Variants in SAMD4A observed in about 807,000 individuals in gnomAD.
SAMD4A encodes sterile alpha motif domain containing 4A, also known as protein Smaug homolog 1.
In SAMD4A, 33 loss-of-function variants were observed where a neutral mutation model predicts 81.3. That is an observed-to-expected ratio of 0.41 (90% CI 0.31 to 0.54). The LOEUF is 0.54. Among genes scored for constraint, SAMD4A ranks in the 20% least tolerant of loss-of-function variants. The probability of loss-of-function intolerance (pLI) is 0.37; values close to 1 mark genes in which losing one functional copy is unlikely to be tolerated. For missense variants in SAMD4A, 854 were observed against 951.1 expected (o/e 0.90, Z 1.34); for synonymous variants, 389 against 382.1 (o/e 1.02, Z -0.21).
intron 2 of SAMD4A, among the ~76,000 whole-genome samples, chr14:54,628,923 T>A (rs534293914): frequency 2.8e-4 from 43 of 152,294 alleles, no homozygotes; most frequent in Non-Finnish European, 5.0e-4. Flanking sequence ...GGTTTTTTTT[T>A]AAACACAAAT....
At chr14:54,637,580 G>A (rs2035067182) in intron 2 of SAMD4A, among the ~76,000 whole-genome samples, 1 of 152,020 alleles carries the variant, frequency 6.6e-6, no homozygotes, top group South Asian at 2.1e-4. Context: ...AAGAGACCTG[G>A]GAGTCCGCAC....
intron 2 of SAMD4A, among the ~76,000 whole-genome samples, chr14:54,677,731 A>T (rs142262708): frequency 3.4e-4 from 52 of 152,368 alleles, no homozygotes; most frequent in African/African-American, 1.2e-3. Flanking sequence ...CACATTCTCG[A>T]ATACCACAAT....
intron 2 of SAMD4A, among the ~76,000 whole-genome samples, chr14:54,643,467 G>A (rs138211265): frequency 6.6e-6 from 1 of 152,328 alleles, no homozygotes; most frequent in Non-Finnish European, 1.5e-5. Flanking sequence ...TTTTATGGAA[G>A]TACCAGCCTT....
chr14:54,793,177 A>G lies in SAMD4A; in HGVS notation c.*4233A>G, dbSNP rs1344114608. 1 of 152,204 alleles carries G rather than the reference A, an allele frequency of 6.6e-6. No homozygotes were observed. The highest frequency in any genetic ancestry group is 1.5e-5 in the Non-Finnish European group (1 of 68,036). The allele number at this position is 152,204 out of a possible 1,614,324, so 9.4% of individuals were successfully genotyped here. A position where few individuals can be genotyped will look rare whatever the true frequency, so the allele number is the denominator to read the frequency against. On this transcript the variant is annotated 3_prime_UTR_variant, in exon 13 of 13. Transcript: ENST00000554335. Reference sequence around the variant, plus strand: ...AGTTTTCAAATGTTGTTACCAGTGAAACACCCTTGTGGTTTAAACTTGCTA... The same window carrying G: ...AGTTTTCAAATGTTGTTACCAGTGAGACACCCTTGTGGTTTAAACTTGCTA...
chr14:54,771,293 A>T (rs140557713), intron 9 of SAMD4A, among the ~76,000 whole-genome samples: 21 of 152,340 alleles, frequency 1.4e-4, no homozygotes, highest in Middle Eastern at 6.8e-3. Flanking sequence ...TAAGAATATT[A>T]ATACATTTAA....
chr14:54,739,350 A>C (rs568416882), intron 4 of SAMD4A, among the ~76,000 whole-genome samples: 1 of 152,228 alleles, frequency 6.6e-6, no homozygotes, highest in East Asian at 1.9e-4. Context: ...GGCACAGACA[A>C]GATCTCATAT....
At chr14:54,614,197 C>T (rs2034436153) in intron 2 of SAMD4A, among the ~76,000 whole-genome samples, 1 of 152,198 alleles carries the variant, frequency 6.6e-6, no homozygotes, top group Admixed American at 6.5e-5. Flanking sequence ...TGGCTCTTCT[C>T]ACAAAGTTTT....
At chr14:54,651,175 T>A (rs1454536667) in intron 2 of SAMD4A, among the ~76,000 whole-genome samples, 1 of 152,198 alleles carries the variant, frequency 6.6e-6, no homozygotes, top group Non-Finnish European at 1.5e-5. Context: ...TCTCTTGGTT[T>A]AGAATTCCTC....
At chr14:54,746,101 G>C (rs891149905) in intron 4 of SAMD4A, among the ~76,000 whole-genome samples, 2 of 152,188 alleles carry the variant, frequency 1.3e-5, no homozygotes, top group Non-Finnish European at 2.9e-5. Context: ...AATGGTCAAG[G>C]CTCTTGCTTC....
intron 2 of SAMD4A, chr14:54,685,868 T>A (rs1319754578): frequency 2.2e-6 from 1 of 456,484 alleles, no homozygotes; most frequent in Admixed American, 2.3e-5. Context: ...CAGATCAGCT[T>A]CAGTTTCCTG....
chr14:54,687,508 C>A, intron 2 of SAMD4A: 1 of 379,846 alleles, frequency 2.6e-6, no homozygotes. Flanking sequence ...ATTCCCACTG[C>A]AAACAAGTTG....
chr14:54,737,401 G>C, intron 4 of SAMD4A, 114 bp downstream of exon 4: 1 of 1,255,202 alleles, frequency 8.0e-7, no homozygotes, highest in Non-Finnish European at 1.1e-6. Flanking sequence ...CCTTCCCCAG[G>C]CTTACGCATT....
upstream of SAMD4A, among the ~76,000 whole-genome samples, chr14:54,566,808 A>T (rs1218098447): frequency 6.6e-6 from 1 of 151,958 alleles, no homozygotes; most frequent in East Asian, 1.9e-4. Flanking sequence ...GAGCAGGCCC[A>T]GGGAGACCTC....
chr14:54,674,918 T>C (rs2035958607), intron 2 of SAMD4A, among the ~76,000 whole-genome samples: 1 of 152,118 alleles, frequency 6.6e-6, no homozygotes, highest in Admixed American at 6.5e-5. Context: ...CCAGCGAATT[T>C]TGAAATTTAT....
rs1055282411 is a variant in SAMD4A at position 54,739,128 on chromosome 14, A to G, written c.979+1841A>G. On this transcript the variant is annotated intron_variant, in intron 4 of 12. Coordinates refer to ENST00000554335, the MANE Select transcript of SAMD4A (RefSeq NM_015589.6). ...TCCCAAAGTAGGTCAAGGTATGCTCATTGAGTGCTGCCATTTTGAGGTGAG... is the reference window on the plus strand; with the variant it reads ...TCCCAAAGTAGGTCAAGGTATGCTCGTTGAGTGCTGCCATTTTGAGGTGAG... 3.1e-5 allele frequency among the ~76,000 whole-genome samples: 4 copies of G among 130,896 alleles called. No homozygotes were observed. The South Asian group carries it at 9.5e-4, about 31-fold the overall frequency. 85.9% of individuals were successfully genotyped at this position (130,896 alleles called of 152,430 possible).
At chr14:54,719,167 A>C (rs893349218) in intron 3 of SAMD4A, among the ~76,000 whole-genome samples, 1 of 152,094 alleles carries the variant, frequency 6.6e-6, no homozygotes, top group Admixed American at 6.6e-5. Context: ...CTGGGCTATC[A>C]GAACTCTAGA....
chr14:54,751,771 G>A (rs1290834750), intron 6 of SAMD4A, among the ~76,000 whole-genome samples: 4 of 152,214 alleles, frequency 2.6e-5, no homozygotes, highest in African/African-American at 7.2e-5. Context: ...TTGCCTGGCC[G>A]TCCTAGAGCC....
intron 4 of SAMD4A, among the ~76,000 whole-genome samples, chr14:54,738,350 A>T (rs1447212662): frequency 6.6e-6 from 1 of 152,180 alleles, no homozygotes; most frequent in Non-Finnish European, 1.5e-5. Context: ...ACCGGACTGA[A>T]AAAATGGAGC....
chr14:54,603,755 T>TAA (rs201248388), intron 2 of SAMD4A, among the ~76,000 whole-genome samples: 76 of 145,272 alleles, frequency 5.2e-4, no homozygotes, highest in African/African-American at 1.3e-3. Flanking sequence ...GCCTTTTCTT[T>TAA]AAAAAAAAAA....
Sources: gnomAD v4.1 joint callset for allele counts (sites outside exome capture counted in the v4.1 genomes callset) on GRCh38, gnomAD v4.1.1 for gene constraint, MANE v1.5 for transcripts, NCBI Gene and HGNC (gene_info 2026-07-23, HGNC 2026-07-21) for gene names.